The following MEMO1 variants were observed in gnomAD, a reference collection of about 807,000 sequenced individuals.
MEMO1 encodes protein MEMO1.
Under a neutral mutation model 45.2 loss-of-function variants are expected in MEMO1, and 6 were observed. That is an observed-to-expected ratio of 0.13 (90% CI 0.07 to 0.26). The LOEUF is 0.26. MEMO1 is among the 10% of genes least tolerant of loss of function. The pLI is 1.00. For missense variants in MEMO1, 184 were observed against 370.5 expected, an observed-to-expected ratio of 0.50 and a Z score of 4.13; for synonymous variants, 78 against 124.3, an observed-to-expected ratio of 0.63 and a Z score of 2.48.
chr2:31,897,942 G>C (rs927867373), intron 6 of MEMO1, among the ~76,000 whole-genome samples: 4 of 151,882 alleles, frequency 2.6e-5, no homozygotes, highest in Non-Finnish European at 5.9e-5. Flanking sequence ...GTTTAGTCTT[G>C]GGAGGGTGTA....
intron 2 of MEMO1, among the ~76,000 whole-genome samples, chr2:31,951,416 G>C (rs1276058271): frequency 6.6e-6 from 1 of 151,780 alleles, no homozygotes; most frequent in Admixed American, 6.6e-5. Context: ...ATGCAGAACA[G>C]TGAAAAATTC....
intron 2 of MEMO1, among the ~76,000 whole-genome samples, chr2:31,989,261 T>G (rs979068836): frequency 5.4e-5 from 8 of 147,868 alleles, no homozygotes; most frequent in African/African-American, 2.0e-4. Flanking sequence ...AGAAAGAAAA[T>G]GACTAGTGGG....
intron 2 of MEMO1, among the ~76,000 whole-genome samples, chr2:31,971,299 G>A (rs1669370613): frequency 6.6e-6 from 1 of 151,970 alleles, no homozygotes; most frequent in Non-Finnish European, 1.5e-5. Context: ...CCAAGCTGTT[G>A]TACAGTGGTG....
At chr2:31,943,254 G>A in intron 3 of MEMO1, 48 bp downstream of exon 3, 1 of 1,380,760 alleles carries the variant, frequency 7.2e-7, no homozygotes, top group South Asian at 1.2e-5. Context: ...GACACAGGGA[G>A]ACTCCTTCTC....
chr2:31,947,283 G>C (rs186108393), intron 2 of MEMO1, among the ~76,000 whole-genome samples: 10 of 152,290 alleles, frequency 6.6e-5, no homozygotes, highest in Admixed American at 5.9e-4. Flanking sequence ...TCTGTAAAAA[G>C]ACCAATTTCT....
At chr2:31,975,300 C>T (rs1445184014) in intron 2 of MEMO1, among the ~76,000 whole-genome samples, 1 of 152,162 alleles carries the variant, frequency 6.6e-6, no homozygotes, top group Admixed American at 6.5e-5. Context: ...TAGGATGATA[C>T]CTAAATTATG....
intron 6 of MEMO1, among the ~76,000 whole-genome samples, chr2:31,902,525 ACAG>A (rs1679016177): frequency 6.6e-6 from 1 of 152,194 alleles, no homozygotes; most frequent in Admixed American, 6.5e-5. Context: ...GCTGCTACCT[ACAG>A]CAGATTACTA....
chr2:32,004,412 A>C (rs1182497064), intron 2 of MEMO1, among the ~76,000 whole-genome samples: 3 of 152,200 alleles, frequency 2.0e-5, no homozygotes, highest in Admixed American at 2.0e-4. Context: ...GGGGTCCCTA[A>C]CAAGAAAAAA....
intron 2 of MEMO1, chr2:31,963,109 G>A: frequency 6.9e-7 from 1 of 1,452,982 alleles, no homozygotes; most frequent in Non-Finnish European, 9.2e-7. Flanking sequence ...CCCATCCTCA[G>A]TCTCTAACTA....
At position 31,994,153 on chromosome 2, in the gene MEMO1, G is replaced by T. The variant is rs189468980; in HGVS notation, c.61+16034C>A. Among the ~76,000 whole-genome samples the T allele has an allele frequency of 3.7e-3, 554 of 148,440 alleles. 5 individuals carry two copies. The highest frequency in any genetic ancestry group is 0.013 in the African/African-American group (545 of 40,662). On this transcript the variant is annotated intron_variant, in intron 2 of 9. Transcript: ENST00000404530. ...TTTTTGTATTTTTAGTCAAGACAGG[G>T]TTTCACCATGTTGGCCAGGCTGGTC...
chr2:31,949,528 T>C (rs762622175), intron 2 of MEMO1, among the ~76,000 whole-genome samples: 2 of 151,726 alleles, frequency 1.3e-5, no homozygotes, highest in Non-Finnish European at 2.9e-5. Flanking sequence ...TTCTCATTTA[T>C]TTGTGGGATC....
chr2:31,960,215 C>A (rs1482516014), intron 2 of MEMO1, among the ~76,000 whole-genome samples: 1 of 151,470 alleles, frequency 6.6e-6, no homozygotes, highest in Non-Finnish European at 1.5e-5. Context: ...AAAAAAAATT[C>A]TAAAATGTTT....
At chr2:31,945,867 T>C (rs1471577192) in intron 2 of MEMO1, among the ~76,000 whole-genome samples, 1 of 152,234 alleles carries the variant, frequency 6.6e-6, no homozygotes, top group African/African-American at 2.4e-5. Flanking sequence ...GGACAAACTA[T>C]GTGTGACAAA....
intron 2 of MEMO1, among the ~76,000 whole-genome samples, chr2:31,980,942 G>A (rs1431084261): frequency 6.6e-6 from 1 of 152,194 alleles, no homozygotes; most frequent in Non-Finnish European, 1.5e-5. Flanking sequence ...AGTCTCAGCA[G>A]CAAGAGTTCT....
chr2:31,984,983 T>C (rs1259499498), intron 2 of MEMO1, among the ~76,000 whole-genome samples: 1 of 152,228 alleles, frequency 6.6e-6, no homozygotes, highest in Non-Finnish European at 1.5e-5. Context: ...CGGTGAGGAA[T>C]ATACAGAAAT....
chr2:31,966,732 C>CAAAAAAAAAAAAAAAAAAAAAAAAAAAA (rs758359349), intron 2 of MEMO1, among the ~76,000 whole-genome samples: 2 of 117,842 alleles, frequency 1.7e-5, no homozygotes, highest in Non-Finnish European at 3.6e-5. Flanking sequence ...GACTCTGTCT[C>CAAAAAAAAAAAAAAAAAAAAAAAAAAAA]AAAAAAAAAA....
intron 2 of MEMO1, among the ~76,000 whole-genome samples, chr2:31,946,953 AT>A (rs1666268884): frequency 6.6e-6 from 1 of 152,224 alleles, no homozygotes; most frequent in Admixed American, 6.5e-5. Context: ...ATACAGTAAC[AT>A]GCTGTATAGG....
chr2:31,879,252 C>T (rs992792526), intron 8 of MEMO1, among the ~76,000 whole-genome samples: 2 of 152,122 alleles, frequency 1.3e-5, no homozygotes, highest in Non-Finnish European at 2.9e-5. Flanking sequence ...GCATTTGATA[C>T]TCTTCCTCCC....
chr2:31,998,960 G>A (rs766909384), intron 2 of MEMO1, among the ~76,000 whole-genome samples: 1 of 151,930 alleles, frequency 6.6e-6, no homozygotes, highest in Non-Finnish European at 1.5e-5. Flanking sequence ...ACCTTCCCCC[G>A]CCAAACTTGT....
Sources: allele counts gnomAD v4.1 joint callset (sites outside exome capture counted in the v4.1 genomes callset), GRCh38; gene constraint gnomAD v4.1.1; transcripts MANE v1.5; gene names NCBI Gene and HGNC (gene_info 2026-07-23, HGNC 2026-07-21).